Variants in ST3GAL1 observed in about 807,000 individuals in gnomAD.
The protein encoded by ST3GAL1 is ST3 beta-galactoside alpha-2,3-sialyltransferase 1.
In ST3GAL1, 16 loss-of-function variants were observed where a neutral mutation model predicts 34.1. The ratio of observed to expected loss-of-function variants is 0.47; its 90% CI spans 0.32 to 0.71. The LOEUF (loss-of-function observed/expected upper bound fraction) is 0.71, where lower values mean the gene tolerates loss of function less well. ST3GAL1 is among the 30% of genes least tolerant of loss of function. The pLI is 0.04. For synonymous variants in ST3GAL1, 191 were observed against 184.7 expected, an observed-to-expected ratio of 1.03 and a Z score of -0.28; for missense variants, 353 against 447.4, an observed-to-expected ratio of 0.79 and a Z score of 1.90.
At chr8:133,500,490 A>T (rs1278558012) in intron 2 of ST3GAL1, among the ~76,000 whole-genome samples, 1 of 152,194 alleles carries the variant, frequency 6.6e-6, no homozygotes, top group Non-Finnish European at 1.5e-5. Flanking sequence ...GGAAGGTTAT[A>T]GGGAGGAGAC....
chr8:133,561,387 C>T (rs1204838968), intron 1 of ST3GAL1, among the ~76,000 whole-genome samples: 2 of 152,068 alleles, frequency 1.3e-5, no homozygotes, highest in African/African-American at 4.8e-5. Flanking sequence ...ACACACATAC[C>T]TGGGTCTCAC....
chr8:133,463,971 G>A (rs1295562259), intron 7 of ST3GAL1, among the ~76,000 whole-genome samples: 3 of 50,352 alleles, frequency 6.0e-5, no homozygotes, highest in African/African-American at 7.9e-5. Flanking sequence ...ACCCCACCCC[G>A]CCCCGGTCTG....
chr8:133,527,751 T>C (rs1818019317), intron 2 of ST3GAL1, among the ~76,000 whole-genome samples: 1 of 152,192 alleles, frequency 6.6e-6, no homozygotes, highest in African/African-American at 2.4e-5. Flanking sequence ...AACAGCTTGC[T>C]TGCTGGGCGG....
Position 133,459,957 on chromosome 8 carries a change from A to G in ST3GAL1, c.850-20T>C. Reference sequence around the variant, plus strand: ...GTCCACCTGTGGGAGCAAAGCAAAGATGAGAACCAGACAGCAGGGCTGCTG... The same window carrying G: ...GTCCACCTGTGGGAGCAAAGCAAAGGTGAGAACCAGACAGCAGGGCTGCTG... On this transcript the variant is annotated intron_variant, in intron 9 of 9. Transcript: ENST00000522652. This position sits in a 1 kb window ranked among gnomAD's most constrained non-coding sequence, Gnocchi z 4.7. The G allele has an allele frequency of 6.2e-7, 1 of 1,601,420 alleles. No homozygotes were observed. The highest frequency in any genetic ancestry group is 8.5e-7 in the Non-Finnish European group (1 of 1,171,486).
intron 3 of ST3GAL1, among the ~76,000 whole-genome samples, chr8:133,484,198 C>T (rs927619642): frequency 5.3e-5 from 8 of 152,132 alleles, no homozygotes; most frequent in Non-Finnish European, 1.5e-5. Context: ...CCTAAATTTC[C>T]GACCTCCTAG....
intron 1 of ST3GAL1, among the ~76,000 whole-genome samples, chr8:133,549,550 C>A (rs895609259): frequency 3.3e-5 from 5 of 152,218 alleles, no homozygotes; most frequent in African/African-American, 1.2e-4. Flanking sequence ...TGAAGCAACG[C>A]ATAACATCTT....
Position 133,508,515 on chromosome 8 carries a change from G to T in ST3GAL1, c.-428-9326C>A, listed in dbSNP as rs1817409618. 6.6e-6 allele frequency among the ~76,000 whole-genome samples: 1 copy of T among 152,160 alleles called. No individual in the cohort carries two copies. Among genetic ancestry groups the T allele is most frequent in the Admixed American group, 6.5e-5 (1 of 15,282 alleles). On this transcript the variant is annotated intron_variant, in intron 2 of 9. Coordinates refer to ENST00000522652, the MANE Select transcript of ST3GAL1 (RefSeq NM_173344.3). This position sits in a 1 kb window ranked among gnomAD's most constrained non-coding sequence, Gnocchi z 4.1. The stretch of plus-strand genomic sequence containing the variant: ...TGCAATCTACGTGCACGGAGTCCCA[G>T]ACTCAGGTTCTACAGGGAGGAAACT...
chr8:133,458,447 G>A lies in ST3GAL1; in HGVS notation c.*1317C>T, dbSNP rs577203508. 1.3e-5 allele frequency: 2 copies of A among 152,410 alleles called. No individual in the cohort carries two copies. The highest frequency in any genetic ancestry group is 4.8e-5 in the African/African-American group (2 of 41,576). 9.4% of individuals were successfully genotyped at this position (152,410 alleles called of 1,614,324 possible). On this transcript the variant is annotated 3_prime_UTR_variant, in exon 10 of 10. Coordinates refer to ENST00000522652, the MANE Select transcript of ST3GAL1 (RefSeq NM_173344.3). ...AGTGACAGCCCCAAGATGGCCAGCA[G>A]GGACTTGACCCTGAGCTCAGGCCCT...
At position 133,459,807 on chromosome 8, in the gene ST3GAL1, G is replaced by A; in HGVS notation, c.980C>T (p.Thr327Ile). ...DADFESNVTA[T>I]LASINKIRIF... The stretch of plus-strand genomic sequence containing the variant: ...CCGGATTTTATTGATGGAGGCCAAG[G>A]TGGCCGTCACGTTAGACTCAAAGTC... Residue 327 changes from threonine to isoleucine, a missense_variant, in exon 10 of 10, where the codon ACC (threonine) becomes ATC (isoleucine). By Grantham distance (89) the Thr-to-Ile change is moderately conservative. Coordinates refer to ENST00000522652, the MANE Select transcript of ST3GAL1 (RefSeq NM_173344.3). The surrounding 1 kb of genome is among the most constrained non-coding windows in gnomAD (Gnocchi z 4.7). 6.2e-7 allele frequency: 1 copy of A among 1,613,752 alleles called. No individual in the cohort carries two copies.
chr8:133,498,143 C>T (rs774039774), intron 3 of ST3GAL1, among the ~76,000 whole-genome samples: 19 of 152,220 alleles, frequency 1.2e-4, no homozygotes, highest in African/African-American at 3.1e-4. Flanking sequence ...CAGGAACTGG[C>T]GCTCGACAGT....
intron 3 of ST3GAL1, among the ~76,000 whole-genome samples, chr8:133,493,006 C>T (rs1418125797): frequency 6.6e-6 from 1 of 152,188 alleles, no homozygotes; most frequent in Non-Finnish European, 1.5e-5. Flanking sequence ...AATGGCCAAA[C>T]ACCCTCATGG....
chr8:133,497,539 C>T (rs1228141707), intron 3 of ST3GAL1, among the ~76,000 whole-genome samples: 2 of 138,168 alleles, frequency 1.4e-5, no homozygotes, highest in Non-Finnish European at 1.5e-5. Context: ...GGCGCAATCT[C>T]GGCTAACTGC....
chr8:133,539,023 T>C (rs951523307), intron 2 of ST3GAL1, among the ~76,000 whole-genome samples: 7 of 152,076 alleles, frequency 4.6e-5, no homozygotes, highest in Admixed American at 6.5e-5. Context: ...TCTATGTGTG[T>C]GGGGTTGTTA....
At chr8:133,551,578 G>C (rs1032034723) in intron 1 of ST3GAL1, among the ~76,000 whole-genome samples, 77 of 149,572 alleles carry the variant, frequency 5.1e-4, no homozygotes, top group African/African-American at 1.9e-3. Context: ...AAGAAAGAAA[G>C]AAAGAAAGAA....
At chr8:133,484,635 CT>C (rs1816511303) in intron 3 of ST3GAL1, among the ~76,000 whole-genome samples, 1 of 152,172 alleles carries the variant, frequency 6.6e-6, no homozygotes, top group South Asian at 2.1e-4. Context: ...CCTTGTGCCC[CT>C]GTGTTATTAC....
chr8:133,551,917 G>A (rs982881217), intron 1 of ST3GAL1, among the ~76,000 whole-genome samples: 1 of 152,210 alleles, frequency 6.6e-6, no homozygotes, highest in Admixed American at 6.5e-5. Flanking sequence ...GTGAGTAAAT[G>A]GAGGCTTGAG....
intron 1 of ST3GAL1, among the ~76,000 whole-genome samples, chr8:133,558,127 T>G (rs1475771046): frequency 6.6e-6 from 1 of 152,166 alleles, no homozygotes; most frequent in East Asian, 1.9e-4. Flanking sequence ...AAGAGCCTTC[T>G]AAACCGCAAA....
chr8:133,559,419 T>C (rs1485149094), intron 1 of ST3GAL1, among the ~76,000 whole-genome samples: 1 of 152,182 alleles, frequency 6.6e-6, no homozygotes, highest in Admixed American at 6.5e-5. Context: ...TTGAAGCTTC[T>C]ATCAGGTGGT....
chr8:133,459,651 G>T lies in ST3GAL1; in HGVS notation c.*113C>A. The T allele has an allele frequency of 1.5e-6, 2 of 1,377,172 alleles. No homozygotes were observed. Among genetic ancestry groups the T allele is most frequent in the Non-Finnish European group, 2.0e-6 (2 of 1,021,742 alleles). The allele number at this position is 1,377,172 out of a possible 1,614,324, so 85.3% of individuals were successfully genotyped here. On this transcript the variant is annotated 3_prime_UTR_variant, in exon 10 of 10. Coordinates refer to ENST00000522652, the MANE Select transcript of ST3GAL1 (RefSeq NM_173344.3). The surrounding 1 kb of genome is among the most constrained non-coding windows in gnomAD (Gnocchi z 4.7). ...TGCAAGAGGCTGTGAGCGGTGCCCA[G>T]GCACACACCTGAGGCTGCCCCTCCA...
Sources: gnomAD v4.1 joint callset for allele counts (sites outside exome capture counted in the v4.1 genomes callset) on GRCh38, gnomAD v4.1.1 for gene constraint, Gnocchi (gnomAD v3.1) non-coding constraint, MANE v1.5 for transcripts, NCBI Gene and HGNC (gene_info 2026-07-23, HGNC 2026-07-21) for gene names.